ALDH1A3: variants seen among roughly 807,000 people sequenced by gnomAD.
ALDH1A3 encodes the protein aldehyde dehydrogenase 1 family member A3.
Under a neutral mutation model 57.5 loss-of-function variants are expected in ALDH1A3, and 28 were observed. The observed-to-expected ratio is 0.49, with a 90% confidence interval of 0.36 to 0.67. The LOEUF is 0.67. Ranked by LOEUF, ALDH1A3 falls within the 30% of genes least tolerant of loss-of-function variation. The probability of loss-of-function intolerance (pLI) is 0.00; values close to 1 mark genes in which losing one functional copy is unlikely to be tolerated. For missense variants in ALDH1A3, 507 were observed against 669.4 expected (o/e 0.76, Z 2.68); for synonymous variants, 281 against 264.8 (o/e 1.06, Z -0.59).
intron 1 of ALDH1A3, among the ~76,000 whole-genome samples, chr15:100,884,145 G>A (rs1376358389): frequency 6.6e-6 from 1 of 152,244 alleles, no homozygotes; most frequent in Non-Finnish European, 1.5e-5. Flanking sequence ...GCCATTCCAA[G>A]TTGGTGTAGC....
intron 8 of ALDH1A3, among the ~76,000 whole-genome samples, chr15:100,898,637 G>A (rs2141561654): frequency 6.6e-6 from 1 of 152,272 alleles, no homozygotes; most frequent in Non-Finnish European, 1.5e-5. Context: ...AAGAGTGGAG[G>A]TGCTCTTTCC....
intron 7 of ALDH1A3, 24 bp downstream of exon 7, chr15:100,896,070 G>A (rs377252007): frequency 1.7e-4 from 268 of 1,576,272 alleles, no homozygotes; most frequent in Non-Finnish European, 2.1e-4. Flanking sequence ...CAGGGTGCTG[G>A]GGAAAGTGAA....
chr15:100,883,290 C>T (rs1041796103), intron 1 of ALDH1A3, among the ~76,000 whole-genome samples: 6 of 152,198 alleles, frequency 3.9e-5, no homozygotes, highest in South Asian at 2.1e-4. Context: ...CTTTCCTCCC[C>T]GCACTAACTT....
intron 12 of ALDH1A3, among the ~76,000 whole-genome samples, chr15:100,911,431 T>G (rs1405177753): frequency 6.6e-6 from 1 of 152,270 alleles, no homozygotes; most frequent in Admixed American, 6.5e-5. Context: ...AATAGAGATA[T>G]GGAAAGTCAA....
chr15:100,905,703 G>C lies in ALDH1A3; in HGVS notation c.1233+16G>C. 6.5e-7 allele frequency: 1 copy of C among 1,535,130 alleles called. No homozygotes were observed. The highest frequency in any genetic ancestry group is 8.8e-7 in the Non-Finnish European group (1 of 1,141,452). The stretch of plus-strand genomic sequence containing the variant: ...CAAAGAGGAGGTACAAGGGGGCTGT[G>C]GCAAGGCTACGACTTGCGGGGCCTT... On this transcript the variant is annotated intron_variant, in intron 10 of 12. Transcript: ENST00000329841.
Position 100,905,021 on chromosome 15 carries a change from G to A in ALDH1A3, c.1069-502G>A, listed in dbSNP as rs538066630. On this transcript the variant is annotated intron_variant, in intron 9 of 12. Coordinates refer to ENST00000329841, the MANE Select transcript of ALDH1A3 (RefSeq NM_000693.4). Reference sequence around the variant, plus strand: ...GTTGCCAGGTGATACATGGCACCCAGGTAAACATGAATTTCAGATAAACAG... The same window carrying A: ...GTTGCCAGGTGATACATGGCACCCAAGTAAACATGAATTTCAGATAAACAG... Among the ~76,000 whole-genome samples the A allele has an allele frequency of 2.6e-5, 4 of 152,232 alleles. No homozygotes were observed. The South Asian group carries it at 8.3e-4, about 32-fold the overall frequency.
Position 100,893,962 on chromosome 15 carries a change from C to T in ALDH1A3, c.546C>T (p.Phe182=). The T allele has an allele frequency of 6.2e-7, 1 of 1,614,112 alleles. No homozygotes were observed. The change falls in exon 6 of 13, where the codon TTC becomes TTT. Residue 182 remains phenylalanine, a synonymous_variant. Transcript: ENST00000329841. The surrounding 1 kb of genome is among the most constrained non-coding windows in gnomAD (Gnocchi z 4.8). ...CCTGTGCTCTGTCGCAGTGGAACTT[C>T]CCCCTGCTGATGCTGGTGTGGAAGC... ...GVCGAITPWN[F]PLLMLVWKLA...
In ALDH1A3 at chr15:100,894,413, A is replaced by G. The variant is rs2041680336; in HGVS notation, c.666+331A>G. The G allele has an allele frequency of 4.1e-6, 1 of 244,462 alleles. No homozygotes were observed. Among genetic ancestry groups the G allele is most frequent in the South Asian group, 6.2e-5 (1 of 16,020 alleles). 15.1% of individuals were successfully genotyped at this position (244,462 alleles called of 1,614,324 possible). On this transcript the variant is annotated intron_variant, in intron 6 of 12. Coordinates refer to ENST00000329841, the MANE Select transcript of ALDH1A3 (RefSeq NM_000693.4). This position sits in a 1 kb window ranked among gnomAD's most constrained non-coding sequence, Gnocchi z 4.5. ...CCAAATATTTGGGAGGTTCTCTGGG[A>G]TTTGCATTCTCAGTTTATGAAATGG...
At chr15:100,912,385 G>A (rs1330470772) in intron 12 of ALDH1A3, among the ~76,000 whole-genome samples, 1 of 152,002 alleles carries the variant, frequency 6.6e-6, no homozygotes, top group Non-Finnish European at 1.5e-5. Flanking sequence ...TTCCATTTGG[G>A]TATTTGTGTT....
At chr15:100,895,821 G>T in intron 6 of ALDH1A3, 112 bp from the exon 7 acceptor site, 1 of 927,762 alleles carries the variant, frequency 1.1e-6, no homozygotes, top group South Asian at 1.5e-5. Flanking sequence ...AATCCAGCCC[G>T]GCCCGGGTTC....
intron 8 of ALDH1A3, among the ~76,000 whole-genome samples, chr15:100,898,545 G>C (rs1297964857): frequency 2.0e-5 from 3 of 152,192 alleles, no homozygotes; most frequent in Non-Finnish European, 2.9e-5. Context: ...TGGGAGGAGT[G>C]GGGAGGGCAG....
rs2041658476 is a variant in ALDH1A3, at chr15:100,892,324, T to C, written c.346-186T>C. 6.8e-6 allele frequency: 5 copies of C among 732,648 alleles called. No homozygotes were observed. In the South Asian group the frequency reaches 1.1e-4, roughly 16 times the overall value. The allele number at this position is 732,648 out of a possible 1,614,324, so 45.4% of individuals were successfully genotyped here. On this transcript the variant is annotated intron_variant, in intron 3 of 12. Transcript: ENST00000329841. ...AGGTGTTTTGAAATAAAAGCAATCC[T>C]CACACTCAGAGACAGGCCTCGCTTT...
intron 8 of ALDH1A3, among the ~76,000 whole-genome samples, chr15:100,898,402 A>G (rs1458399904): frequency 6.6e-6 from 1 of 152,248 alleles, no homozygotes. Context: ...GCTGCCTTCT[A>G]CTGCCAAAAC....
intron 2 of ALDH1A3, among the ~76,000 whole-genome samples, chr15:100,886,170 T>G (rs939347907): frequency 6.6e-6 from 1 of 152,210 alleles, no homozygotes; most frequent in Non-Finnish European, 1.5e-5. Flanking sequence ...CCCATGAGTT[T>G]TTGTGACAGA....
intron 9 of ALDH1A3, among the ~76,000 whole-genome samples, chr15:100,901,515 C>G (rs1022442435): frequency 2.0e-5 from 3 of 152,194 alleles, no homozygotes; most frequent in Non-Finnish European, 4.4e-5. Flanking sequence ...GAGGCTGCCA[C>G]TTCCCCTACT....
intron 9 of ALDH1A3, among the ~76,000 whole-genome samples, chr15:100,904,056 C>T (rs1407292297): frequency 4.6e-5 from 7 of 152,318 alleles, no homozygotes; most frequent in African/African-American, 1.7e-4. Flanking sequence ...GAAGGCACTC[C>T]AAGTTTGCAG....
At chr15:100,892,298 T>G in intron 3 of ALDH1A3, 1 of 607,630 alleles carries the variant, frequency 1.6e-6, no homozygotes, top group African/African-American at 1.9e-5. Flanking sequence ...CAGCCCACTT[T>G]AGGTGTTTTG....
At chr15:100,913,488 A>G (rs1263498241) in intron 12 of ALDH1A3, 1 of 152,220 alleles carries the variant, frequency 6.6e-6, no homozygotes, top group African/African-American at 2.4e-5. Flanking sequence ...ACCTGTTTCT[A>G]TAATCTCATT....
intron 12 of ALDH1A3, chr15:100,913,576 T>C (rs528332921): frequency 5.7e-4 from 87 of 152,088 alleles, no homozygotes; most frequent in African/African-American, 2.0e-3. Flanking sequence ...TCCAGGAGAG[T>C]CTCCCTCTTT....
Sources: gnomAD v4.1 joint callset for allele counts (sites outside exome capture counted in the v4.1 genomes callset) on GRCh38, gnomAD v4.1.1 for gene constraint, Gnocchi (gnomAD v3.1) non-coding constraint, MANE v1.5 for transcripts, NCBI Gene and HGNC (gene_info 2026-07-23, HGNC 2026-07-21) for gene names.